Variants in FLT1 observed in about 807,000 individuals in gnomAD.
The protein encoded by FLT1 is vascular endothelial growth factor receptor 1.
FLT1 carries 49 observed loss-of-function variants against 156.3 expected under a neutral mutation model. That is an observed-to-expected ratio of 0.31 (90% CI 0.25 to 0.40). FLT1 has a LOEUF of 0.40. Ranked by LOEUF, FLT1 falls within the 10% of genes least tolerant of loss-of-function variation. The probability of loss-of-function intolerance (pLI) is 1.00; values close to 1 mark genes in which losing one functional copy is unlikely to be tolerated. For synonymous variants in FLT1, 594 were observed against 583.8 expected, an observed-to-expected ratio of 1.02 and a Z score of -0.25; for missense variants, 1,322 against 1,637.2, an observed-to-expected ratio of 0.81 and a Z score of 3.32.
chr13:28,409,050 T>A (rs1875982888), intron 10 of FLT1, among the ~76,000 whole-genome samples: 1 of 152,220 alleles, frequency 6.6e-6, no homozygotes, highest in Non-Finnish European at 1.5e-5. Context: ...TAGGACCTCA[T>A]GTGTGATATG....
intron 3 of FLT1, among the ~76,000 whole-genome samples, chr13:28,457,530 C>T (rs57737090): frequency 0.046 from 6,940 of 152,192 alleles, 533 homozygotes; most frequent in African/African-American, 0.16. Context: ...AGCTAGCCAA[C>T]ATAATTCAGC....
intron 18 of FLT1, among the ~76,000 whole-genome samples, chr13:28,332,244 T>A (rs568190503): frequency 5.9e-4 from 90 of 151,988 alleles, no homozygotes; most frequent in Non-Finnish European, 1.1e-3. Context: ...GAAAAAAAAA[T>A]CTCAAGTCAG....
intron 16 of FLT1, among the ~76,000 whole-genome samples, chr13:28,343,274 C>T (rs1482982294): frequency 6.6e-5 from 10 of 151,708 alleles, no homozygotes; most frequent in South Asian, 6.3e-4. Context: ...TGAGCCACTG[C>T]GCCCGGCTGC....
At position 28,384,901 on chromosome 13, in the gene FLT1, T is replaced by A. The variant is rs774284735; in HGVS notation, c.2100A>T (p.Lys700Asn). 5.0e-6 allele frequency: 8 copies of A among 1,614,060 alleles called. No individual in the cohort carries two copies. The highest frequency in any genetic ancestry group is 6.8e-6 in the Non-Finnish European group (8 of 1,179,966). ...GTCTCTTACCAGGCTCTTGTTGTATTTTGTGGTTGTTTTTAAACCAAGTGA... is the reference window on the plus strand; with the variant it reads ...GTCTCTTACCAGGCTCTTGTTGTATATTGTGGTTGTTTTTAAACCAAGTGA... Reference protein sequence around the residue: ...PQITWFKNNHKIQQEPGIILG... With the variant: ...PQITWFKNNHNIQQEPGIILG... The change falls in exon 14 of 30, where the codon AAA becomes AAT. Residue 700 changes from lysine (K) to asparagine (N), a missense_variant. Around this residue, in one of 3 missense-constraint regions of FLT1, gnomAD observed 991 missense variants for 1,254.8 expected, o/e 0.79. Transcript: ENST00000282397.
At position 28,466,891 on chromosome 13, in the gene FLT1, T is replaced by C. The variant is rs940407016; in HGVS notation, c.388+12A>G. On this transcript the variant is annotated intron_variant, in intron 3 of 29. Coordinates refer to ENST00000282397, the MANE Select transcript of FLT1 (RefSeq NM_002019.4). ...GCAAAAGCAAACAGAATGTAGAAAA[T>C]GGAAGTCTTACCACTAATAAATATA... The C allele has an allele frequency of 1.3e-6, 2 of 1,544,292 alleles. No individual in the cohort carries two copies. The highest frequency in any genetic ancestry group is 1.1e-5 in the South Asian group (1 of 89,798).
At chr13:28,368,687 A>G (rs1160388459) in intron 14 of FLT1, 3 of 755,884 alleles carry the variant, frequency 4.0e-6, no homozygotes, top group African/African-American at 1.8e-5. Context: ...AAATAATCAT[A>G]TCTTTAGATT....
intron 16 of FLT1, among the ~76,000 whole-genome samples, chr13:28,340,369 C>A (rs1253690057): frequency 6.6e-6 from 1 of 152,088 alleles, no homozygotes; most frequent in Non-Finnish European, 1.5e-5. Flanking sequence ...CTTGGTAATG[C>A]AAATCAAGCC....
In FLT1 at chr13:28,345,480, G is replaced by A. The variant is rs1234107941; in HGVS notation, c.2320C>T (p.Leu774Phe). The A allele has an allele frequency of 2.5e-6, 4 of 1,612,500 alleles. No homozygotes were observed. Among genetic ancestry groups the A allele is most frequent in the South Asian group, 1.1e-5 (1 of 90,914 alleles). ...CTCVAATLFW[L>F]LLTLFIRKMK... ...TTTCGGATAAAGAGGGTTAATAGGA[G>A]CCAGAAGAGAGTCGCAGCCACACAG... Residue 774 changes from leucine to phenylalanine, a missense_variant, in exon 16 of 30, where the codon CTC (leucine) becomes TTC (phenylalanine). By Grantham distance (22) the Leu-to-Phe change is conservative. Around this residue, in one of 3 missense-constraint regions of FLT1, gnomAD observed 991 missense variants for 1,254.8 expected, o/e 0.79. Transcript: ENST00000282397.
At chr13:28,321,659 A>G in intron 22 of FLT1, 74 bp from the exon 23 acceptor site, 1 of 1,470,840 alleles carries the variant, frequency 6.8e-7, no homozygotes, top group Non-Finnish European at 9.5e-7. Context: ...TGTCAGTGTC[A>G]TTATCTTAAT....
At chr13:28,484,167 T>A (rs1417903589) in intron 1 of FLT1, among the ~76,000 whole-genome samples, 1 of 152,360 alleles carries the variant, frequency 6.6e-6, no homozygotes, top group East Asian at 1.9e-4. Context: ...TGTCCTCCCC[T>A]ATCCAATTCA....
At chr13:28,413,648 A>T (rs2137512994) in intron 10 of FLT1, among the ~76,000 whole-genome samples, 1 of 152,338 alleles carries the variant, frequency 6.6e-6, no homozygotes, top group African/African-American at 2.4e-5. Context: ...AATATCCTTT[A>T]ACACATTCAA....
At chr13:28,324,527 G>A (rs1190221225) in intron 20 of FLT1, among the ~76,000 whole-genome samples, 2 of 152,210 alleles carry the variant, frequency 1.3e-5, no homozygotes, top group Non-Finnish European at 2.9e-5. Context: ...AGGGAGGCAG[G>A]CCTCAGAGTG....
Position 28,427,086 on chromosome 13 carries a change from C to T in FLT1, c.1436+73G>A, listed in dbSNP as rs537566673. ...CATCCCACATGCAGATTCCCATCTG[C>T]GTCCATTAAAAAATCTTAATTCCAG... is the stretch of plus-strand genomic sequence containing the variant. On this transcript the variant is annotated intron_variant, in intron 10 of 29. Coordinates refer to ENST00000282397, the MANE Select transcript of FLT1 (RefSeq NM_002019.4). 86 of 1,339,470 alleles carry T rather than the reference C, an allele frequency of 6.4e-5. 1 individual carries two copies. Among genetic ancestry groups the T allele is most frequent in the South Asian group, 5.5e-4 (47 of 85,310 alleles). 83.0% of individuals were successfully genotyped at this position (1,339,470 alleles called of 1,614,324 possible). A position where few individuals can be genotyped will look rare whatever the true frequency, so the allele number is the denominator to read the frequency against.
At chr13:28,347,476 G>C (rs985605588) in intron 15 of FLT1, among the ~76,000 whole-genome samples, 1 of 151,918 alleles carries the variant, frequency 6.6e-6, no homozygotes, top group Non-Finnish European at 1.5e-5. Context: ...AGCTGAGATC[G>C]CACCACTGCA....
chr13:28,313,261 G>A (rs1871076792), intron 25 of FLT1, among the ~76,000 whole-genome samples: 2 of 152,154 alleles, frequency 1.3e-5, no homozygotes, highest in South Asian at 4.1e-4. Context: ...TTACAGGCGT[G>A]AGCCACTGCG....
At chr13:28,465,146 T>A (rs1391496262) in intron 3 of FLT1, among the ~76,000 whole-genome samples, 1 of 152,190 alleles carries the variant, frequency 6.6e-6, no homozygotes, top group Non-Finnish European at 1.5e-5. Flanking sequence ...TCTGAAAGTC[T>A]CTGCTCTTAA....
At chr13:28,469,911 C>T (rs944494799) in intron 1 of FLT1, among the ~76,000 whole-genome samples, 1 of 151,942 alleles carries the variant, frequency 6.6e-6, no homozygotes, top group Non-Finnish European at 1.5e-5. Context: ...GCATCATCAG[C>T]GTGGCTAATT....
intron 4 of FLT1, among the ~76,000 whole-genome samples, chr13:28,436,884 G>A (rs1280910042): frequency 6.6e-6 from 1 of 152,136 alleles, no homozygotes; most frequent in African/African-American, 2.4e-5. Context: ...TCCTCAGATG[G>A]GGAGAGTGAG....
At chr13:28,427,127 T>G (rs1368588349) in intron 10 of FLT1, 32 bp downstream of exon 10, 1 of 1,602,870 alleles carries the variant, frequency 6.2e-7, no homozygotes, top group Non-Finnish European at 8.5e-7. Flanking sequence ...AAAAAGTATT[T>G]GAAAGTTAGT....
Sources: allele counts gnomAD v4.1 joint callset (sites outside exome capture counted in the v4.1 genomes callset), GRCh38; gene constraint gnomAD v4.1.1; regional missense constraint gnomAD v4.1.1; transcripts MANE v1.5; gene names NCBI Gene and HGNC (gene_info 2026-07-23, HGNC 2026-07-21).